The following NUP98 variants were observed in gnomAD, a reference collection of about 807,000 sequenced individuals.
The protein encoded by NUP98 is nucleoporin 98 and 96 precursor, also known as nuclear pore complex protein Nup98-Nup96.
In NUP98, 26 loss-of-function variants were observed where a neutral mutation model predicts 191.9. The observed-to-expected ratio is 0.14, with a 90% CI of 0.10 to 0.19. The LOEUF (loss-of-function observed/expected upper bound fraction) is 0.19, where lower values mean the gene tolerates loss of function less well. Ranked by LOEUF, NUP98 falls within the 10% of genes least tolerant of loss-of-function variation. The probability of loss-of-function intolerance (pLI) is 1.00; values close to 1 mark genes in which losing one functional copy is unlikely to be tolerated. For synonymous variants in NUP98, 808 were observed against 778.4 expected, an observed-to-expected ratio of 1.04 and a Z score of -0.63; for missense variants, 1,941 against 2,178.8, an observed-to-expected ratio of 0.89 and a Z score of 2.17.
At chr11:3,788,108 G>A (rs530459155) in intron 1 of NUP98, among the ~76,000 whole-genome samples, 1 of 152,276 alleles carries the variant, frequency 6.6e-6, no homozygotes, top group African/African-American at 2.4e-5. Context: ...CCACCTGAGT[G>A]TTTTACCTGT....
At chr11:3,769,638 A>T (rs2081456307) in intron 7 of NUP98, among the ~76,000 whole-genome samples, 1 of 151,632 alleles carries the variant, frequency 6.6e-6, no homozygotes, top group African/African-American at 2.4e-5. Flanking sequence ...ATTGAAAAGT[A>T]CGTTAGGCTG....
At chr11:3,774,049 C>G (rs967603105) in intron 5 of NUP98, among the ~76,000 whole-genome samples, 2 of 152,040 alleles carry the variant, frequency 1.3e-5, no homozygotes, top group African/African-American at 2.4e-5. Flanking sequence ...CAATATATAC[C>G]TTTAAACCTC....
chr11:3,748,674 GAA>G (rs1418949270), intron 11 of NUP98, among the ~76,000 whole-genome samples: 2 of 151,922 alleles, frequency 1.3e-5, no homozygotes, highest in Non-Finnish European at 1.5e-5. Context: ...AACAAAAAAA[GAA>G]AAGCCTTCCT....
chr11:3,776,121 ATTT>A (rs777947710), intron 4 of NUP98, 100 bp from the exon 5 acceptor site: 4,583 of 531,114 alleles, frequency 8.6e-3, no homozygotes, highest in Admixed American at 9.6e-3. Flanking sequence ...ACAGTACTTC[ATTT>A]TTTTTTTTTT....
intron 10 of NUP98, among the ~76,000 whole-genome samples, chr11:3,755,877 T>C (rs764788535): frequency 3.3e-5 from 5 of 151,866 alleles, no homozygotes; most frequent in Admixed American, 1.3e-4. Context: ...GGCAGAGAGC[T>C]GCTTGAACCT....
At chr11:3,697,196 G>A (rs1222338418) in intron 25 of NUP98, 1 of 152,200 alleles carries the variant, frequency 6.6e-6, no homozygotes, top group African/African-American at 2.4e-5. Flanking sequence ...AGGGCTGCTT[G>A]ACGCCAGGAG....
intron 13 of NUP98, among the ~76,000 whole-genome samples, chr11:3,733,338 T>C (rs61877582): frequency 0.051 from 7,708 of 152,254 alleles, 257 homozygotes; most frequent in Middle Eastern, 0.099. Flanking sequence ...TGAGACGGAG[T>C]TTCGCTCTTG....
intron 12 of NUP98, among the ~76,000 whole-genome samples, chr11:3,740,239 G>C (rs113821965): frequency 6.6e-6 from 1 of 152,084 alleles, no homozygotes; most frequent in Non-Finnish European, 1.5e-5. Context: ...AGCCAGGCGC[G>C]GTGGCTCACA....
At chr11:3,711,782 A>ACCCTC in intron 20 of NUP98, 1 of 748,650 alleles carries the variant, frequency 1.3e-6, no homozygotes, top group East Asian at 6.6e-5. Flanking sequence ...CATTTATCAT[A>ACCCTC]CCCTCCCCTC....
chr11:3,695,354 C>A, intron 26 of NUP98, 95 bp downstream of exon 26: 2 of 1,164,980 alleles, frequency 1.7e-6, no homozygotes, highest in Non-Finnish European at 2.3e-6. Context: ...TGTAACTGTG[C>A]ACAATTTACA....
At chr11:3,785,774 A>G (rs1384618723) in intron 1 of NUP98, among the ~76,000 whole-genome samples, 2 of 152,220 alleles carry the variant, frequency 1.3e-5, no homozygotes, top group Admixed American at 1.3e-4. Context: ...ACAAATAACA[A>G]AAGATCTAGA....
intron 1 of NUP98, among the ~76,000 whole-genome samples, chr11:3,790,890 C>T (rs1222970897): frequency 6.8e-6 from 1 of 147,108 alleles, no homozygotes; most frequent in Non-Finnish European, 1.5e-5. Flanking sequence ...TCATGGAACA[C>T]CATTTTAATT....
chr11:3,688,485 T>A (rs901819318), intron 28 of NUP98, among the ~76,000 whole-genome samples: 2 of 151,594 alleles, frequency 1.3e-5, no homozygotes, highest in Non-Finnish European at 2.9e-5. Flanking sequence ...AAAAGCTACA[T>A]TCTATATAAT....
chr11:3,785,530 G>A (rs1426675125), intron 1 of NUP98, among the ~76,000 whole-genome samples: 1 of 152,174 alleles, frequency 6.6e-6, no homozygotes, highest in Non-Finnish European at 1.5e-5. Context: ...AGGCCAAGGT[G>A]GGCAGATCAC....
chr11:3,761,286 G>A (rs955323895), intron 9 of NUP98, among the ~76,000 whole-genome samples: 1 of 152,158 alleles, frequency 6.6e-6, no homozygotes, highest in Non-Finnish European at 1.5e-5. Context: ...ACTTTAAAGA[G>A]ACAAATTGTA....
At chr11:3,712,081 A>T in intron 20 of NUP98, 1 of 1,051,400 alleles carries the variant, frequency 9.5e-7, no homozygotes, top group Non-Finnish European at 1.1e-6. Context: ...GTACTATTAA[A>T]ATACAAATAT....
At chr11:3,756,910 AC>A (rs1469466268) in intron 10 of NUP98, among the ~76,000 whole-genome samples, 8 of 149,694 alleles carry the variant, frequency 5.3e-5, no homozygotes, top group African/African-American at 1.7e-4. Flanking sequence ...ACATGGTGAA[AC>A]CCCGTCTCTA....
At chr11:3,796,315 T>C (rs2082563178) in intron 1 of NUP98, among the ~76,000 whole-genome samples, 1 of 152,206 alleles carries the variant, frequency 6.6e-6, no homozygotes, top group South Asian at 2.1e-4. Context: ...CTTATCAATA[T>C]TTCCTGCTTT....
rs1264001748 is a variant in NUP98, at chr11:3,675,773, A to C, written c.*386T>G. The C allele has an allele frequency of 2.9e-6, 1 of 348,904 alleles. No homozygotes were observed. Among genetic ancestry groups the C allele is most frequent in the Non-Finnish European group, 5.3e-6 (1 of 188,498 alleles). 21.6% of individuals were successfully genotyped at this position (348,904 alleles called of 1,614,324 possible). A position where few individuals can be genotyped will look rare whatever the true frequency, so the allele number is the denominator to read the frequency against. ...TGTCTCACTCCTCCTAAGGAGTCCTAGTATAAAAGGGCCAGGGTAGGAGTA... is the reference window on the plus strand; with the variant it reads ...TGTCTCACTCCTCCTAAGGAGTCCTCGTATAAAAGGGCCAGGGTAGGAGTA... On this transcript the variant is annotated 3_prime_UTR_variant, in exon 33 of 33. Transcript: ENST00000324932.
Sources: allele counts gnomAD v4.1 joint callset (sites outside exome capture counted in the v4.1 genomes callset), GRCh38; gene constraint gnomAD v4.1.1; transcripts MANE v1.5; gene names NCBI Gene and HGNC (gene_info 2026-07-23, HGNC 2026-07-21).